MARCHF8: variants seen among roughly 807,000 people sequenced by gnomAD.
MARCHF8 encodes membrane associated ring-CH-type finger 8, also known as E3 ubiquitin-protein ligase MARCHF8.
A neutral mutation model predicts 51.6 loss-of-function variants in MARCHF8; 40 were observed. The ratio of observed to expected loss-of-function variants is 0.77; its 90% CI spans 0.60 to 1.01. The LOEUF (loss-of-function observed/expected upper bound fraction) is 1.01, where lower values mean the gene tolerates loss of function less well. Ranked by LOEUF, MARCHF8 falls within the 50% of genes least tolerant of loss-of-function variation. The probability of loss-of-function intolerance (pLI) is 0.00; values close to 1 mark genes in which losing one functional copy is unlikely to be tolerated. For synonymous variants in MARCHF8, 263 were observed against 280.3 expected (o/e 0.94, Z 0.62); for missense variants, 685 against 708.6 (o/e 0.97, Z 0.38).
At chr10:45,582,632 A>G (rs542809303) in intron 1 of MARCHF8, among the ~76,000 whole-genome samples, 76 of 152,230 alleles carry the variant, frequency 5.0e-4, no homozygotes, top group Non-Finnish European at 9.8e-4. Context: ...AGCTATTCAG[A>G]AAAGTCAGGA....
At chr10:45,564,985 TAA>T (rs60290162) in intron 1 of MARCHF8, among the ~76,000 whole-genome samples, 25,395 of 98,242 alleles carry the variant, frequency 0.26, 2,424 homozygotes, top group Admixed American at 0.33. Flanking sequence ...TAGGATCCAC[TAA>T]AAAAAAAAAA....
intron 3 of MARCHF8, among the ~76,000 whole-genome samples, chr10:45,475,810 T>G (rs1367779575): frequency 6.6e-6 from 1 of 152,108 alleles, no homozygotes; most frequent in African/African-American, 2.4e-5. Context: ...CAGCATATAC[T>G]GCACTGAGGC....
At chr10:45,553,832 T>TGC (rs1322097824) in intron 1 of MARCHF8, among the ~76,000 whole-genome samples, 3 of 118,768 alleles carry the variant, frequency 2.5e-5, no homozygotes, top group Admixed American at 1.6e-4. Context: ...TGCATGGACA[T>TGC]GCACACACAC....
Position 45,463,669 on chromosome 10 carries a change from C to T in MARCHF8, c.570G>A (p.Thr190=), listed in dbSNP as rs543819358. Residue 190 remains threonine (T), a synonymous_variant, in exon 5 of 8, where the codon ACG becomes ACA. Coordinates refer to ENST00000453424, the MANE Select transcript of MARCHF8 (RefSeq NM_001282866.2). ...GATGAAACCTGTTAGTTCTGAGACACGTATCTTGAGGGAGTATTAATTTCC... is the reference window on the plus strand; with the variant it reads ...GATGAAACCTGTTAGTTCTGAGACATGTATCTTGAGGGAGTATTAATTTCC... ...SEGKLILPQD[T]CLRTNRFHHK... 412 of 1,550,770 alleles carry T rather than the reference C, an allele frequency of 2.7e-4. 1 individual carries two copies. The highest frequency in any genetic ancestry group is 3.3e-4 in the Non-Finnish European group (376 of 1,147,032).
At chr10:45,508,945 G>C (rs1183081224) in intron 2 of MARCHF8, among the ~76,000 whole-genome samples, 1 of 152,084 alleles carries the variant, frequency 6.6e-6, no homozygotes, top group Non-Finnish European at 1.5e-5. Flanking sequence ...AAAATGATCA[G>C]TAAAAAATTA....
intron 1 of MARCHF8, among the ~76,000 whole-genome samples, chr10:45,563,844 G>C (rs1589181000): frequency 6.6e-6 from 1 of 152,110 alleles, no homozygotes; most frequent in East Asian, 1.9e-4. Flanking sequence ...GACTAAAAAG[G>C]TTAAGTAAGC....
chr10:45,523,973 T>C (rs1404498003), intron 2 of MARCHF8, among the ~76,000 whole-genome samples: 4 of 152,228 alleles, frequency 2.6e-5, no homozygotes, highest in East Asian at 1.9e-4. Context: ...TTGGCTGATA[T>C]AGGTAAGCTG....
chr10:45,478,864 TAA>T (rs1186678049), intron 3 of MARCHF8, among the ~76,000 whole-genome samples: 1 of 151,998 alleles, frequency 6.6e-6, no homozygotes, highest in Non-Finnish European at 1.5e-5. Flanking sequence ...TAAAGAGTAA[TAA>T]AAAGTCTCCT....
At chr10:45,545,552 A>G (rs1320491218) in intron 1 of MARCHF8, among the ~76,000 whole-genome samples, 3 of 152,224 alleles carry the variant, frequency 2.0e-5, no homozygotes, top group Non-Finnish European at 4.4e-5. Flanking sequence ...ATGGATTTCA[A>G]ATATAGTGGA....
Position 45,464,003 on chromosome 10 carries a change from G to A in MARCHF8, c.243-7C>T. 6.5e-7 allele frequency: 1 copy of A among 1,529,738 alleles called. No individual in the cohort carries two copies. The highest frequency in any genetic ancestry group is 8.7e-7 in the Non-Finnish European group (1 of 1,144,140). 94.8% of individuals were successfully genotyped at this position (1,529,738 alleles called of 1,614,324 possible). A position where few individuals can be genotyped will look rare whatever the true frequency, so the allele number is the denominator to read the frequency against. On this transcript the variant is annotated splice_region_variant and splice_polypyrimidine_tract_variant and intron_variant, in intron 4 of 7. Transcript: ENST00000453424. Reference sequence around the variant, plus strand: ...AGAAAACACTGCACTGGAACTGCATGCAGAACAGTGGGATAAAAGCACAGA... The same window carrying A: ...AGAAAACACTGCACTGGAACTGCATACAGAACAGTGGGATAAAAGCACAGA...
intron 1 of MARCHF8, among the ~76,000 whole-genome samples, chr10:45,546,138 TTTTA>T (rs370400917): frequency 0.054 from 7,913 of 147,748 alleles, 437 homozygotes; most frequent in African/African-American, 0.14. Context: ...TGAGCTGAAT[TTTTA>T]TTTATTTATT....
intron 1 of MARCHF8, among the ~76,000 whole-genome samples, chr10:45,546,270 G>A (rs543893932): frequency 7.1e-4 from 108 of 151,822 alleles, no homozygotes; most frequent in Non-Finnish European, 7.2e-4. Context: ...AAGCGATTGC[G>A]CTGCCTCAGC....
chr10:45,555,580 C>T (rs955661052), intron 1 of MARCHF8, among the ~76,000 whole-genome samples: 2 of 151,638 alleles, frequency 1.3e-5, no homozygotes, highest in African/African-American at 2.4e-5. Flanking sequence ...TCTCCAAAAA[C>T]GATTTCTTTT....
At chr10:45,588,012 C>T (rs2044635929) in intron 1 of MARCHF8, among the ~76,000 whole-genome samples, 1 of 152,182 alleles carries the variant, frequency 6.6e-6, no homozygotes, top group African/African-American at 2.4e-5. Context: ...TCATACCAAA[C>T]ACCCTATCAA....
chr10:45,552,630 C>A (rs9422442), intron 1 of MARCHF8, among the ~76,000 whole-genome samples: 9,399 of 152,246 alleles, frequency 0.062, 333 homozygotes, highest in Non-Finnish European at 0.067. Flanking sequence ...TAGTCTGACC[C>A]AATTTTCCGA....
intron 1 of MARCHF8, among the ~76,000 whole-genome samples, chr10:45,589,990 CTG>C (rs1294212514): frequency 6.6e-6 from 1 of 152,228 alleles, no homozygotes; most frequent in Non-Finnish European, 1.5e-5. Context: ...AACTGCCAGA[CTG>C]TTTCTCAAAG....
chr10:45,585,478 G>A (rs1193400187), intron 1 of MARCHF8, among the ~76,000 whole-genome samples: 3 of 151,994 alleles, frequency 2.0e-5, no homozygotes, highest in African/African-American at 7.3e-5. Context: ...AATGAAAGAA[G>A]TTTACCCACA....
At chr10:45,543,102 G>GT (rs2044075002) in intron 1 of MARCHF8, among the ~76,000 whole-genome samples, 1 of 152,192 alleles carries the variant, frequency 6.6e-6, no homozygotes, top group Non-Finnish European at 1.5e-5. Flanking sequence ...CCTAAAAATT[G>GT]TTTTGCAGCC....
At chr10:45,508,214 C>T (rs2043423538) in intron 2 of MARCHF8, among the ~76,000 whole-genome samples, 1 of 150,530 alleles carries the variant, frequency 6.6e-6, no homozygotes, top group African/African-American at 2.4e-5. Context: ...TATGTCTTTA[C>T]AAATTCAAAT....
Sources: gnomAD v4.1 joint callset for allele counts (sites outside exome capture counted in the v4.1 genomes callset) on GRCh38, gnomAD v4.1.1 for gene constraint, MANE v1.5 for transcripts, NCBI Gene and HGNC (gene_info 2026-07-23, HGNC 2026-07-21) for gene names.